Variants in DCDC2C observed in about 807,000 individuals in gnomAD.
DCDC2C encodes the protein doublecortin domain-containing protein 2C.
A neutral mutation model predicts 45.0 loss-of-function variants in DCDC2C; 44 were observed. The ratio of observed to expected loss-of-function variants is 0.98; its 90% CI spans 0.77 to 1.26. The LOEUF (loss-of-function observed/expected upper bound fraction) is 1.26, where lower values mean the gene tolerates loss of function less well. DCDC2C is among the 50% of genes most tolerant of loss of function. DCDC2C has a pLI of 0.00. For missense variants in DCDC2C, 447 were observed against 468.9 expected (o/e 0.95, Z 0.43); for synonymous variants, 187 against 178.8 (o/e 1.05, Z -0.37).
At chr2:3,736,509 T>C (rs112467911) in intron 3 of DCDC2C, among the ~76,000 whole-genome samples, 5 of 152,132 alleles carry the variant, frequency 3.3e-5, no homozygotes, top group African/African-American at 1.2e-4. Context: ...TATAAGAGCA[T>C]TGGACGTTTG....
In DCDC2C at chr2:3,776,164, T is replaced by A. The variant is rs185570418; in HGVS notation, c.955-2652T>A. On this transcript the variant is annotated intron_variant, in intron 8 of 10. Transcript: ENST00000399143. ...TGTGTGTCATCAACTGCTTAATAATTTTCTCTCTTTCCTTGGTGTCTTTAG... is the reference window on the plus strand; with the variant it reads ...TGTGTGTCATCAACTGCTTAATAATATTCTCTCTTTCCTTGGTGTCTTTAG... Among the ~76,000 whole-genome samples, 7 of 152,324 alleles carry A rather than the reference T, an allele frequency of 4.6e-5. No individual in the cohort carries two copies. The South Asian group carries it at 8.3e-4, about 18-fold the overall frequency.
At chr2:3,812,628 G>A (rs566950885) in intron 10 of DCDC2C, among the ~76,000 whole-genome samples, 65 of 152,042 alleles carry the variant, frequency 4.3e-4, no homozygotes, top group Non-Finnish European at 9.1e-4. Flanking sequence ...GCCACCTTTT[G>A]GATTAGTTTG....
intron 9 of DCDC2C, among the ~76,000 whole-genome samples, chr2:3,784,399 G>A (rs1237077650): frequency 6.6e-6 from 1 of 151,822 alleles, no homozygotes; most frequent in Non-Finnish European, 1.5e-5. Flanking sequence ...CCATTATTAT[G>A]ATAGCCAGGA....
At chr2:3,724,304 C>T (rs545787711) in intron 2 of DCDC2C, among the ~76,000 whole-genome samples, 3 of 152,288 alleles carry the variant, frequency 2.0e-5, no homozygotes, top group South Asian at 2.1e-4. Context: ...GCCTCTCGTG[C>T]AGCTCTCTAT....
Position 3,727,199 on chromosome 2 carries a change from CT to C in DCDC2C, c.416+121del, listed in dbSNP as rs1342218120. 52 of 762,744 alleles carry C rather than the reference CT, an allele frequency of 6.8e-5. No individual in the cohort carries two copies. In the East Asian group the frequency reaches 1.4e-3, roughly 21 times the overall value. 47.2% of individuals were successfully genotyped at this position (762,744 alleles called of 1,614,324 possible). A position where few individuals can be genotyped will look rare whatever the true frequency, so the allele number is the denominator to read the frequency against. ...CTGTCCCTCCTCCCCTCCCCTCCCC[CT>C]GCTCTCTTGTGCTCTCACTTCCTGA... On this transcript the variant is annotated intron_variant, in intron 3 of 10. Coordinates refer to ENST00000399143, the MANE Select transcript of DCDC2C (RefSeq NM_001287444.2).
intron 1 of DCDC2C, among the ~76,000 whole-genome samples, chr2:3,704,726 G>C (rs373936110): frequency 9.5e-6 from 1 of 105,792 alleles, no homozygotes; most frequent in Non-Finnish European, 2.0e-5. Context: ...AGGGGCGTGG[G>C]GGGGAGGGGC....
intron 2 of DCDC2C, among the ~76,000 whole-genome samples, chr2:3,722,780 A>T (rs1668534914): frequency 6.6e-6 from 1 of 152,238 alleles, no homozygotes; most frequent in African/African-American, 2.4e-5. Context: ...TAGCAGGGTT[A>T]ATGAATCATT....
chr2:3,708,139 G>A (rs1668115338), intron 1 of DCDC2C, among the ~76,000 whole-genome samples: 1 of 151,932 alleles, frequency 6.6e-6, no homozygotes, highest in East Asian at 1.9e-4. Context: ...AGCGGTGGGG[G>A]TGCAGAGGAG....
intron 10 of DCDC2C, among the ~76,000 whole-genome samples, chr2:3,826,963 C>T (rs1372230897): frequency 6.8e-6 from 1 of 146,484 alleles, no homozygotes; most frequent in Non-Finnish European, 1.5e-5. Context: ...CTCTCTTCTT[C>T]CCTTCCTCCC....
chr2:3,759,460 T>C (rs1404360139), intron 6 of DCDC2C, among the ~76,000 whole-genome samples: 1 of 152,202 alleles, frequency 6.6e-6, no homozygotes, highest in Non-Finnish European at 1.5e-5. Flanking sequence ...GTATGATTCA[T>C]GGAATCTTGA....
Position 3,761,430 on chromosome 2 carries a change from C to T in DCDC2C, c.727-6324C>T, listed in dbSNP as rs1391496146. On this transcript the variant is annotated intron_variant, in intron 6 of 10. Coordinates refer to ENST00000399143, the MANE Select transcript of DCDC2C (RefSeq NM_001287444.2). The surrounding 1 kb of genome is among the most constrained non-coding windows in gnomAD (Gnocchi z 4.3). ...AAACAGTTGCAGAGGCATGTGCATA[C>T]CAGACTGAGACCCACACTTTAATAA... Among the ~76,000 whole-genome samples the T allele has an allele frequency of 1.3e-5, 2 of 152,092 alleles. No homozygotes were observed. Among genetic ancestry groups the T allele is most frequent in the African/African-American group, 4.8e-5 (2 of 41,402 alleles).
chr2:3,713,312 A>G (rs1224706913), intron 2 of DCDC2C, among the ~76,000 whole-genome samples: 3 of 152,202 alleles, frequency 2.0e-5, no homozygotes, highest in African/African-American at 7.2e-5. Flanking sequence ...TCTTGAGTGA[A>G]GGTGCAAAGC....
chr2:3,781,520 A>C (rs1270385066), intron 9 of DCDC2C, among the ~76,000 whole-genome samples: 1 of 152,206 alleles, frequency 6.6e-6, no homozygotes, highest in East Asian at 1.9e-4. Context: ...GTAAAATGCT[A>C]ATTACCTTGC....
intron 10 of DCDC2C, among the ~76,000 whole-genome samples, chr2:3,816,502 C>A (rs1671562575): frequency 6.6e-6 from 1 of 152,070 alleles, no homozygotes; most frequent in Non-Finnish European, 1.5e-5. Context: ...AAATGCAAAG[C>A]CAGCCATTGT....
chr2:3,744,605 G>T (rs1166833585), intron 4 of DCDC2C, among the ~76,000 whole-genome samples: 4 of 152,202 alleles, frequency 2.6e-5, no homozygotes, highest in African/African-American at 4.8e-5. Context: ...TAGACGCTGT[G>T]GTGGAAGAGC....
chr2:3,745,471 G>A (rs921108383), intron 4 of DCDC2C, among the ~76,000 whole-genome samples: 3 of 152,118 alleles, frequency 2.0e-5, no homozygotes, highest in Non-Finnish European at 4.4e-5. Flanking sequence ...TAGCAAAAGT[G>A]CAGAGCTTAG....
chr2:3,823,009 A>G (rs1671731816), intron 10 of DCDC2C, among the ~76,000 whole-genome samples: 1 of 152,142 alleles, frequency 6.6e-6, no homozygotes, highest in Non-Finnish European at 1.5e-5. Context: ...GCCTTCCACC[A>G]TGATTGTGAG....
At chr2:3,787,958 T>C (rs1005616395) in intron 10 of DCDC2C, among the ~76,000 whole-genome samples, 12 of 152,222 alleles carry the variant, frequency 7.9e-5, no homozygotes, top group Non-Finnish European at 1.8e-4. Context: ...ATTTAAATGT[T>C]TTTGAGCAGA....
In DCDC2C at chr2:3,779,014, C is replaced by T. The variant is rs116912524; in HGVS notation, c.1023+130C>T. 5.6e-3 allele frequency: 4,738 copies of T among 848,396 alleles called. 232 individuals carry two copies. In the East Asian group the frequency reaches 0.11, roughly 19 times the overall value. The allele number at this position is 848,396 out of a possible 1,614,324, so 52.6% of individuals were successfully genotyped here. A position where few individuals can be genotyped will look rare whatever the true frequency, so the allele number is the denominator to read the frequency against. On this transcript the variant is annotated intron_variant, in intron 9 of 10. Transcript: ENST00000399143. Reference sequence around the variant, plus strand: ...TCCAAAACACAAGCCAGCGCGGAATCGGAAGCGAGTGCATTTCGCAGGCAG... The same window carrying T: ...TCCAAAACACAAGCCAGCGCGGAATTGGAAGCGAGTGCATTTCGCAGGCAG...
Sources: allele counts gnomAD v4.1 joint callset (sites outside exome capture counted in the v4.1 genomes callset), GRCh38; gene constraint gnomAD v4.1.1; non-coding constraint Gnocchi (gnomAD v3.1); transcripts MANE v1.5; gene names NCBI Gene and HGNC (gene_info 2026-07-23, HGNC 2026-07-21).